FNDC1: variants seen among roughly 807,000 people sequenced by gnomAD.
The protein encoded by FNDC1 is fibronectin type III domain containing 1.
A neutral mutation model predicts 168.0 loss-of-function variants in FNDC1; 96 were observed. The ratio of observed to expected loss-of-function variants is 0.57; its 90% CI spans 0.48 to 0.68. The LOEUF (loss-of-function observed/expected upper bound fraction) is 0.68, where lower values mean the gene tolerates loss of function less well. FNDC1 is among the 30% of genes least tolerant of loss of function. FNDC1 has a pLI of 0.00. For missense variants in FNDC1, 2,587 were observed against 2,482.1 expected, an observed-to-expected ratio of 1.04 and a Z score of -0.90; for synonymous variants, 1,099 against 1,025.9, an observed-to-expected ratio of 1.07 and a Z score of -1.36.
chr6:159,201,538 G>A (rs756348521), intron 4 of FNDC1, among the ~76,000 whole-genome samples: 11 of 152,224 alleles, frequency 7.2e-5, no homozygotes, highest in Non-Finnish European at 1.3e-4. Context: ...TTGGAAGAGG[G>A]AAGTAAGAAC....
intron 1 of FNDC1, among the ~76,000 whole-genome samples, chr6:159,189,932 G>A (rs1442850810): frequency 1.3e-5 from 2 of 152,158 alleles, no homozygotes; most frequent in Non-Finnish European, 2.9e-5. Context: ...CATAAACTGG[G>A]CAAAATTTGG....
At chr6:159,172,931 A>G (rs1006374124) in intron 1 of FNDC1, among the ~76,000 whole-genome samples, 8 of 152,236 alleles carry the variant, frequency 5.3e-5, no homozygotes, top group Non-Finnish European at 1.2e-4. Context: ...AGATTTGCCA[A>G]AATGTAGAAA....
chr6:159,269,211 A>G (rs1452083919), intron 22 of FNDC1, among the ~76,000 whole-genome samples: 1 of 114,364 alleles, frequency 8.7e-6, no homozygotes, highest in African/African-American at 3.7e-5. Context: ...ATTCATATCT[A>G]TCTATCTATC....
chr6:159,220,264 G>C (rs1051667524), intron 5 of FNDC1, among the ~76,000 whole-genome samples: 1 of 152,208 alleles, frequency 6.6e-6, no homozygotes, highest in Admixed American at 6.5e-5. Flanking sequence ...AGCACAACAT[G>C]CTTGTAAAGA....
chr6:159,206,247 A>G (rs1408364938), intron 4 of FNDC1, among the ~76,000 whole-genome samples: 4 of 152,232 alleles, frequency 2.6e-5, no homozygotes, highest in Admixed American at 6.5e-5. Flanking sequence ...TGAATCAAAG[A>G]CTGCCTTCTT....
intron 4 of FNDC1, among the ~76,000 whole-genome samples, chr6:159,206,626 T>G (rs910291475): frequency 2.0e-5 from 3 of 152,212 alleles, no homozygotes; most frequent in African/African-American, 4.8e-5. Flanking sequence ...TGGGGTCACC[T>G]CTGTCTAGTT....
At chr6:159,204,012 C>G (rs962807496) in intron 4 of FNDC1, among the ~76,000 whole-genome samples, 2 of 152,150 alleles carry the variant, frequency 1.3e-5, no homozygotes, top group Non-Finnish European at 2.9e-5. Flanking sequence ...AGTTTTGGAG[C>G]CTAAACTAGG....
intron 1 of FNDC1, among the ~76,000 whole-genome samples, chr6:159,191,730 G>A (rs981338230): frequency 1.2e-4 from 19 of 152,206 alleles, no homozygotes; most frequent in African/African-American, 4.6e-4. Flanking sequence ...TTTATTGAAT[G>A]CTGACTCTGA....
intron 7 of FNDC1, among the ~76,000 whole-genome samples, chr6:159,224,090 G>A (rs1181797568): frequency 6.6e-6 from 1 of 152,192 alleles, no homozygotes. Context: ...AATGTCTAAT[G>A]CCTTACACTT....
chr6:159,228,801 G>C (rs961533955), intron 9 of FNDC1, among the ~76,000 whole-genome samples: 8 of 151,962 alleles, frequency 5.3e-5, no homozygotes, highest in African/African-American at 1.9e-4. Flanking sequence ...TCAGCCTCTC[G>C]AGTAGCTGGG....
intron 4 of FNDC1, among the ~76,000 whole-genome samples, chr6:159,213,762 A>G (rs746868358): frequency 6.6e-6 from 1 of 152,172 alleles, no homozygotes; most frequent in African/African-American, 2.4e-5. Context: ...TATTTGTTGA[A>G]CATACCATGG....
intron 14 of FNDC1, 90 bp downstream of exon 14, chr6:159,240,047 A>G: frequency 6.3e-6 from 8 of 1,261,810 alleles, no homozygotes; most frequent in Non-Finnish European, 8.5e-6. Context: ...CAGGGGAGGT[A>G]TGAGCACCGT....
In FNDC1 at chr6:159,234,322, C is replaced by T. The variant is rs776001367; in HGVS notation, c.3810C>T (p.Ser1270=). 4.3e-6 allele frequency: 7 copies of T among 1,609,818 alleles called. No homozygotes were observed. Among genetic ancestry groups the T allele is most frequent in the Non-Finnish European group, 5.9e-6 (7 of 1,178,196 alleles). The change falls in exon 11 of 23, where the codon AGC becomes AGT. Residue 1270 remains serine, a synonymous_variant. Coordinates refer to ENST00000297267, the MANE Select transcript of FNDC1 (RefSeq NM_032532.3). ...RLPPRSAATV[S]PVAGTHPWPQ... ...CGCCTCGCAGCGCTGCCACCGTGAG[C>T]CCCGTCGCGGGCACCCACCCCTGGC... is the stretch of plus-strand genomic sequence containing the variant.
In FNDC1 at chr6:159,189,037, C is replaced by T. The variant is rs141265825; in HGVS notation, c.110-8394C>T. Among the ~76,000 whole-genome samples the T allele has an allele frequency of 3.8e-3, 574 of 152,326 alleles. 5 individuals are homozygous for T. The highest frequency in any genetic ancestry group is 0.013 in the African/African-American group (550 of 41,574). On this transcript the variant is annotated intron_variant, in intron 1 of 22. Coordinates refer to ENST00000297267, the MANE Select transcript of FNDC1 (RefSeq NM_032532.3). ...CAAGTGCTGGGATTATAGGTGTGAGCTGCTGCACCTGGCCAATTTTTATTT... is the reference window on the plus strand; with the variant it reads ...CAAGTGCTGGGATTATAGGTGTGAGTTGCTGCACCTGGCCAATTTTTATTT...
Position 159,269,205 on chromosome 6 carries a change from ATATCTATCTATCTATCTATC to A in FNDC1, c.5569+1304_5569+1323del, listed in dbSNP as rs148868340. ...GTATCCATCCATTATCTACCTATTCATATCTATCTATCTATCTATCTATCTATCTATCTATCTATCTATCC... is the reference window on the plus strand; with the variant it reads ...GTATCCATCCATTATCTACCTATTCATATCTATCTATCTATCTATCTATCC... On this transcript the variant is annotated intron_variant, in intron 22 of 22. Coordinates refer to ENST00000297267, the MANE Select transcript of FNDC1 (RefSeq NM_032532.3). Among the ~76,000 whole-genome samples, 454 of 115,672 alleles carry A rather than the reference ATATCTATCTATCTATCTATC, an allele frequency of 3.9e-3. 4 individuals carry two copies. Among genetic ancestry groups the A allele is most frequent in the African/African-American group, 0.014 (427 of 30,434 alleles). 75.9% of individuals were successfully genotyped at this position (115,672 alleles called of 152,430 possible). A position where few individuals can be genotyped will look rare whatever the true frequency, so the allele number is the denominator to read the frequency against.
At position 159,232,563 on chromosome 6, in the gene FNDC1, G is replaced by T. The variant is rs746031158; in HGVS notation, c.2051G>T (p.Arg684Ile). The T allele has an allele frequency of 6.2e-7, 1 of 1,611,772 alleles. No homozygotes were observed. The highest frequency in any genetic ancestry group is 8.5e-7 in the Non-Finnish European group (1 of 1,178,862). Reference protein sequence around the residue: ...RQSPSSVLRDRSSVHPGAKPA... With the variant: ...RQSPSSVLRDISSVHPGAKPA... ...TCCCCGTCCAGCGTTCTCCGCGACA[G>T]AAGCTCTGTGCACCCCGGCGCAAAG... Residue 684 changes from arginine to isoleucine, a missense_variant, in exon 11 of 23, where the codon AGA becomes ATA. Physicochemically the swap from Arg to Ile is moderately conservative, Grantham distance 97. Transcript: ENST00000297267. The surrounding 1 kb of genome is among the most constrained non-coding windows in gnomAD (Gnocchi z 4.9).
Position 159,233,096 on chromosome 6 carries a change from C to T in FNDC1, c.2584C>T (p.Pro862Ser), listed in dbSNP as rs200188460. The stretch of plus-strand genomic sequence containing the variant: ...GCCCTCCCGAGCCCACCCCAGGGTT[C>T]CCTCTCACTCTGATTCCCACCCTAA... ...TVPSRAHPRV[P>S]SHSDSHPKLS... The change falls in exon 11 of 23, where the codon CCC (proline) becomes TCC (serine). Residue 862 changes from proline to serine, a missense_variant. Coordinates refer to ENST00000297267, the MANE Select transcript of FNDC1 (RefSeq NM_032532.3). The surrounding 1 kb of genome is among the most constrained non-coding windows in gnomAD (Gnocchi z 4.6). 183 of 1,597,348 alleles carry T rather than the reference C, an allele frequency of 1.1e-4. No homozygotes were observed. In the African/African-American group the frequency reaches 2.3e-3, roughly 20 times the overall value.
rs1396005041 is a variant in FNDC1, at chr6:159,249,158, C to A, written c.4810C>A (p.Leu1604Met). 6.2e-7 allele frequency: 1 copy of A among 1,611,544 alleles called. No individual in the cohort carries two copies. The highest frequency in any genetic ancestry group is 1.7e-5 in the Admixed American group (1 of 59,770). ...ISSFPEEEFD[L>M]AGRKRFVAPY... ...TTCCTTTCCTGAAGAAGAATTTGAT[C>A]TGGCTGGAAGGAAACGATTTGTTGG... The change falls in exon 16 of 23, where the codon CTG becomes ATG. Residue 1604 changes from leucine (L) to methionine (M), a missense_variant. Transcript: ENST00000297267.
chr6:159,271,588 C>G lies in FNDC1; in HGVS notation c.*146C>G. On this transcript the variant is annotated 3_prime_UTR_variant, in exon 23 of 23. Transcript: ENST00000297267. ...ATAGATGGACACTGGCCATTCTGGT[C>G]ATCTCAGTCTGGAACTCAGTCCCAC... 1.6e-6 allele frequency: 1 copy of G among 626,264 alleles called. No homozygotes were observed. Among genetic ancestry groups the G allele is most frequent in the Admixed American group, 2.4e-5 (1 of 40,844 alleles). The allele number at this position is 626,264 out of a possible 1,614,324, so 38.8% of individuals were successfully genotyped here.
Sources: allele counts gnomAD v4.1 joint callset (sites outside exome capture counted in the v4.1 genomes callset), GRCh38; gene constraint gnomAD v4.1.1; non-coding constraint Gnocchi (gnomAD v3.1); transcripts MANE v1.5; gene names NCBI Gene and HGNC (gene_info 2026-07-23, HGNC 2026-07-21).